Variants in CDH7 observed in about 807,000 individuals in gnomAD.
The protein encoded by CDH7 is cadherin 7.
In CDH7, 25 loss-of-function variants were observed where a neutral mutation model predicts 71.8. That is an observed-to-expected ratio of 0.35 (90% CI 0.25 to 0.49). The LOEUF is 0.49. Ranked by LOEUF, CDH7 falls within the 20% of genes least tolerant of loss-of-function variation. The probability of loss-of-function intolerance (pLI) is 0.99; values close to 1 mark genes in which losing one functional copy is unlikely to be tolerated. For synonymous variants in CDH7, 381 were observed against 363.8 expected, an observed-to-expected ratio of 1.05 and a Z score of -0.54; for missense variants, 862 against 974.6, an observed-to-expected ratio of 0.88 and a Z score of 1.54.
chr18:65,869,545 A>ATTTTTTTTTTT (rs10696115), intron 11 of CDH7, among the ~76,000 whole-genome samples: 109 of 91,384 alleles, frequency 1.2e-3, no homozygotes, highest in Non-Finnish European at 1.4e-3. Flanking sequence ...AAGTGGGTCA[A>ATTTTTTTTTTT]TTTTTTTTTT....
At chr18:65,853,060 T>G (rs1327832599) in intron 7 of CDH7, among the ~76,000 whole-genome samples, 1 of 152,156 alleles carries the variant, frequency 6.6e-6, no homozygotes, top group East Asian at 1.9e-4. Flanking sequence ...AATAAGTGGA[T>G]GGGGCAGAAG....
rs532023460 is a variant in CDH7, at chr18:65,824,693, G to A, written c.843G>A (p.Val281=). ...AGTCATTACCTGTAGCCTCAGTTGT[G>A]GCCAGAATTAAAGCTGCTGATGCAG... ...VPESLPVASV[V]ARIKAADADI... The change falls in exon 6 of 12, where the codon GTG becomes GTA. Residue 281 remains valine, a synonymous_variant. Transcript: ENST00000397968. The A allele has an allele frequency of 3.7e-6, 6 of 1,612,046 alleles. No individual in the cohort carries two copies. The South Asian group carries it at 5.5e-5, about 15-fold the overall frequency.
At chr18:65,796,710 C>T (rs1242742656) in intron 2 of CDH7, among the ~76,000 whole-genome samples, 2 of 152,142 alleles carry the variant, frequency 1.3e-5, no homozygotes, top group African/African-American at 4.8e-5. Context: ...CCCCGAATCC[C>T]ATGGCTGTCA....
intron 2 of CDH7, among the ~76,000 whole-genome samples, chr18:65,789,475 G>GGT (rs1555682867): frequency 4.1e-5 from 6 of 146,900 alleles, no homozygotes; most frequent in African/African-American, 1.6e-4. Flanking sequence ...TTTTTTGTTT[G>GGT]TTTTTTTTTG....
At chr18:65,837,924 A>ATT (rs67650944) in intron 6 of CDH7, among the ~76,000 whole-genome samples, 4,566 of 133,238 alleles carry the variant, frequency 0.034, 245 homozygotes, top group African/African-American at 0.097. Flanking sequence ...ATTTAGAGTA[A>ATT]TTTTTTTTTT....
chr18:65,758,800 A>G (rs1916106141), intron 1 of CDH7, among the ~76,000 whole-genome samples: 1 of 152,230 alleles, frequency 6.6e-6, no homozygotes, highest in Admixed American at 6.5e-5. Context: ...AACTTTTCAT[A>G]TCAAAAAATG....
intron 11 of CDH7, among the ~76,000 whole-genome samples, chr18:65,868,869 AG>A (rs1171575943): frequency 1.3e-5 from 2 of 152,210 alleles, no homozygotes; most frequent in Admixed American, 6.5e-5. Flanking sequence ...GGAAAAGAAA[AG>A]ATCCATTTTA....
chr18:65,776,361 A>AACACACACAC (rs66695422), intron 2 of CDH7, among the ~76,000 whole-genome samples: 12 of 139,636 alleles, frequency 8.6e-5, no homozygotes, highest in African/African-American at 2.1e-4. Flanking sequence ...GAAAGTACAG[A>AACACACACAC]ACACACACAC....
rs113011493 is a variant in CDH7 at position 65,862,575 on chromosome 18, G to A, written c.1613-91G>A. 2,952 of 1,247,748 alleles carry A rather than the reference G, an allele frequency of 2.4e-3. 53 individuals carry two copies. In the East Asian group the frequency reaches 0.027, roughly 12 times the overall value. The allele number at this position is 1,247,748 out of a possible 1,614,324, so 77.3% of individuals were successfully genotyped here. A position where few individuals can be genotyped will look rare whatever the true frequency, so the allele number is the denominator to read the frequency against. On this transcript the variant is annotated intron_variant, in intron 10 of 11. Transcript: ENST00000397968. ...AACTCCAGAGATTTCCCTAATTAAG[G>A]CATCAAAGTAAATAGAGTGACTTAA...
At chr18:65,814,674 A>C in intron 4 of CDH7, 70 bp downstream of exon 4, 1 of 1,397,192 alleles carries the variant, frequency 7.2e-7, no homozygotes, top group Non-Finnish European at 9.8e-7. Context: ...TATTATTTCT[A>C]AATATAGTTG....
chr18:65,841,792 T>A (rs560618527), intron 6 of CDH7, among the ~76,000 whole-genome samples: 3 of 152,126 alleles, frequency 2.0e-5, no homozygotes, highest in Non-Finnish European at 4.4e-5. Context: ...TCAGAATCCA[T>A]TGGAAGGGGC....
At chr18:65,872,696 A>G (rs919552627) in intron 11 of CDH7, among the ~76,000 whole-genome samples, 1 of 151,940 alleles carries the variant, frequency 6.6e-6, no homozygotes, top group African/African-American at 2.4e-5. Flanking sequence ...AGAGTTTGAG[A>G]CCAGCCTGAT....
At chr18:65,877,337 G>A (rs567257354) in intron 11 of CDH7, among the ~76,000 whole-genome samples, 3 of 152,016 alleles carry the variant, frequency 2.0e-5, no homozygotes, top group South Asian at 4.2e-4. Context: ...AGAATCAGAA[G>A]TCAAGTTTAT....
Position 65,880,951 on chromosome 18 carries a change from A to G in CDH7, c.*57A>G. 6.8e-7 allele frequency: 1 copy of G among 1,477,226 alleles called. No individual in the cohort carries two copies. The highest frequency in any genetic ancestry group is 9.1e-7 in the Non-Finnish European group (1 of 1,103,026). The allele number at this position is 1,477,226 out of a possible 1,614,324, so 91.5% of individuals were successfully genotyped here. On this transcript the variant is annotated 3_prime_UTR_variant, in exon 12 of 12. Transcript: ENST00000397968. ...AAAAAGTAACAGCAAAAAATAAAAT[A>G]AAATGAAATAAAATAATAAACCACT...
At chr18:65,842,763 A>G (rs72944046) in intron 6 of CDH7, among the ~76,000 whole-genome samples, 14,039 of 152,072 alleles carry the variant, frequency 0.092, 917 homozygotes, top group East Asian at 0.18. Flanking sequence ...TCTTAGTATT[A>G]CATATTAGCT....
Position 65,822,266 on chromosome 18 carries a change from G to A in CDH7, c.793+18G>A, listed in dbSNP as rs754955946. 1.3e-6 allele frequency: 2 copies of A among 1,591,978 alleles called. No homozygotes were observed. Among genetic ancestry groups the A allele is most frequent in the Non-Finnish European group, 1.7e-6 (2 of 1,162,322 alleles). On this transcript the variant is annotated intron_variant, in intron 5 of 11. Transcript: ENST00000397968. ...TCCTCGAAGTAAGTTGTTTTCTTAA[G>A]TGACACAAGTGCAATAACTTTCCCT...
chr18:65,781,819 C>CTTTCT (rs1910225190), intron 2 of CDH7, among the ~76,000 whole-genome samples: 42 of 43,914 alleles, frequency 9.6e-4, no homozygotes, highest in South Asian at 1.2e-3. Flanking sequence ...TCCTTCCTTC[C>CTTTCT]TTCTTTCTTT....
chr18:65,854,379 AC>A (rs1913272947), intron 7 of CDH7, among the ~76,000 whole-genome samples: 1 of 152,038 alleles, frequency 6.6e-6, no homozygotes, highest in African/African-American at 2.4e-5. Context: ...AATGATAGAA[AC>A]TTTTGTTGCC....
intron 6 of CDH7, among the ~76,000 whole-genome samples, chr18:65,835,476 A>T (rs576115821): frequency 6.6e-6 from 1 of 152,280 alleles, no homozygotes; most frequent in South Asian, 2.1e-4. Context: ...AGCCTATCTC[A>T]TAAAATCATT....
Sources: allele counts gnomAD v4.1 joint callset (sites outside exome capture counted in the v4.1 genomes callset), GRCh38; gene constraint gnomAD v4.1.1; transcripts MANE v1.5; gene names NCBI Gene and HGNC (gene_info 2026-07-23, HGNC 2026-07-21).